The following TPH2 variants were observed in gnomAD, a reference collection of about 807,000 sequenced individuals.
TPH2 encodes the protein tryptophan 5-hydroxylase 2.
Under a neutral mutation model 59.1 loss-of-function variants are expected in TPH2, and 27 were observed. The ratio of observed to expected loss-of-function variants is 0.46; its 90% CI spans 0.34 to 0.63. The LOEUF (loss-of-function observed/expected upper bound fraction) is 0.63. TPH2 is among the 30% of genes least tolerant of loss of function. The probability of loss-of-function intolerance (pLI) is 0.01; values close to 1 mark genes in which losing one functional copy is unlikely to be tolerated. For missense variants in TPH2, 523 were observed against 588.3 expected (o/e 0.89, Z 1.15); for synonymous variants, 220 against 210.5 (o/e 1.05, Z -0.39).
chr12:71,993,831 A>G (rs192971348), intron 7 of TPH2, among the ~76,000 whole-genome samples: 1 of 152,282 alleles, frequency 6.6e-6, no homozygotes, highest in East Asian at 1.9e-4. Flanking sequence ...AAACATGACA[A>G]ATTGGATTCC....
Position 72,031,973 on chromosome 12 carries a change from A to G in TPH2, c.*278A>G, listed in dbSNP as rs1343004635. 4 of 439,966 alleles carry G rather than the reference A, an allele frequency of 9.1e-6. No individual in the cohort carries two copies. The highest frequency in any genetic ancestry group is 1.7e-5 in the Non-Finnish European group (4 of 238,134). 27.3% of individuals were successfully genotyped at this position (439,966 alleles called of 1,614,324 possible). On this transcript the variant is annotated 3_prime_UTR_variant, in exon 11 of 11. Coordinates refer to ENST00000333850, the MANE Select transcript of TPH2 (RefSeq NM_173353.4). Reference sequence around the variant, plus strand: ...TAGTGTCCTTAACCAAACTGCATCTAGTTAAAATTTGTAACAAATAGCCCT... The same window carrying G: ...TAGTGTCCTTAACCAAACTGCATCTGGTTAAAATTTGTAACAAATAGCCCT...
At chr12:72,026,255 T>C (rs1268787019) in intron 9 of TPH2, among the ~76,000 whole-genome samples, 6 of 152,104 alleles carry the variant, frequency 3.9e-5, no homozygotes, top group Non-Finnish European at 8.8e-5. Flanking sequence ...ATATTACATA[T>C]AAACACATCT....
rs552328431 is a variant in TPH2 at position 71,995,318 on chromosome 12, G to T, written c.1068+753G>T. On this transcript the variant is annotated intron_variant, in intron 8 of 10. Coordinates refer to ENST00000333850, the MANE Select transcript of TPH2 (RefSeq NM_173353.4). ...AGCTCCATTTCTAAGGGCCCAGGAA[G>T]AGAAAAAGCAGTTTTAGCCAACCCA... Among the ~76,000 whole-genome samples the T allele has an allele frequency of 2.0e-5, 3 of 152,226 alleles. No homozygotes were observed. The East Asian group carries it at 5.8e-4, about 29-fold the overall frequency.
intron 7 of TPH2, among the ~76,000 whole-genome samples, chr12:71,993,027 A>C (rs1358721384): frequency 6.6e-6 from 1 of 152,252 alleles, no homozygotes; most frequent in Non-Finnish European, 1.5e-5. Flanking sequence ...TTATTGACAC[A>C]GTTGACAAGG....
chr12:71,960,662 G>C lies in TPH2; in HGVS notation c.608+11007G>C, dbSNP rs748710033. On this transcript the variant is annotated intron_variant, in intron 5 of 10. Coordinates refer to ENST00000333850, the MANE Select transcript of TPH2 (RefSeq NM_173353.4). ...CTCAGTAGGATGTTGTCTGATTATA[G>C]CATGGCTCCCACAGCTGTGGAAAAC... 4.3e-4 allele frequency among the ~76,000 whole-genome samples: 65 copies of C among 152,284 alleles called. 1 individual carries two copies. The highest frequency in any genetic ancestry group is 3.4e-3 in the Middle Eastern group (1 of 294).
At chr12:71,988,465 A>G (rs1186156070) in intron 7 of TPH2, among the ~76,000 whole-genome samples, 9 of 152,154 alleles carry the variant, frequency 5.9e-5, no homozygotes, top group Admixed American at 4.6e-4. Flanking sequence ...GAAGACAAAA[A>G]GAGAACACTT....
chr12:71,961,269 G>A (rs1871673928), intron 5 of TPH2, among the ~76,000 whole-genome samples: 1 of 152,198 alleles, frequency 6.6e-6, no homozygotes, highest in Non-Finnish European at 1.5e-5. Context: ...GTGAGGACAT[G>A]AATAGTCATT....
chr12:72,007,084 T>G (rs1872973468), intron 8 of TPH2, among the ~76,000 whole-genome samples: 1 of 152,172 alleles, frequency 6.6e-6, no homozygotes, highest in Non-Finnish European at 1.5e-5. Flanking sequence ...CCTTCTGAAG[T>G]GCAGACTATG....
chr12:71,947,570 G>T (rs1458680440), intron 4 of TPH2, among the ~76,000 whole-genome samples: 2 of 151,784 alleles, frequency 1.3e-5, no homozygotes, highest in African/African-American at 4.8e-5. Context: ...ATACTAAAAA[G>T]ATTATTTGTT....
intron 7 of TPH2, among the ~76,000 whole-genome samples, chr12:71,984,614 A>C (rs1024187175): frequency 6.6e-6 from 1 of 152,122 alleles, no homozygotes; most frequent in Non-Finnish European, 1.5e-5. Context: ...CATGCCCACG[A>C]GCTGTGTTTA....
intron 2 of TPH2, among the ~76,000 whole-genome samples, chr12:71,943,837 T>A (rs1871134658): frequency 2.0e-5 from 3 of 152,086 alleles, no homozygotes; most frequent in Admixed American, 2.0e-4. Context: ...TATAAAAGCT[T>A]ATTTCTGAAA....
chr12:71,997,682 CT>C (rs1234883490), intron 8 of TPH2, among the ~76,000 whole-genome samples: 2 of 151,956 alleles, frequency 1.3e-5, no homozygotes, highest in South Asian at 4.2e-4. Context: ...AATGTACCTG[CT>C]TTTTTGCAAA....
intron 5 of TPH2, among the ~76,000 whole-genome samples, chr12:71,960,250 A>T (rs149777160): frequency 4.3e-4 from 66 of 152,350 alleles, no homozygotes; most frequent in African/African-American, 1.1e-3. Context: ...TAGAATTCAA[A>T]TATCTTTCTC....
rs192131856 is a variant in TPH2 at position 71,976,373 on chromosome 12, G to A, written c.806-2579G>A. Among the ~76,000 whole-genome samples, 460 of 152,136 alleles carry A rather than the reference G, an allele frequency of 3.0e-3. 4 individuals carry two copies. The highest frequency in any genetic ancestry group is 0.011 in the African/African-American group (449 of 41,506). ...ATGTAGATAGTATGATGTAAGTATA[G>A]GTGTCCTTATATCATTTCATTGACT... On this transcript the variant is annotated intron_variant, in intron 6 of 10. Coordinates refer to ENST00000333850, the MANE Select transcript of TPH2 (RefSeq NM_173353.4).
Position 71,983,767 on chromosome 12 carries a change from GAC to G in TPH2, c.941+4688_941+4689del, listed in dbSNP as rs750606372. Among the ~76,000 whole-genome samples the G allele has an allele frequency of 9.5e-5, 14 of 147,012 alleles. No homozygotes were observed. The South Asian group carries it at 1.1e-3, about 12-fold the overall frequency. On this transcript the variant is annotated intron_variant, in intron 7 of 10. Coordinates refer to ENST00000333850, the MANE Select transcript of TPH2 (RefSeq NM_173353.4). Reference sequence around the variant, plus strand: ...AGAGAGAGAGAGAGACAGACAGACAGACACACACAGAGAGAGAGAGACAGAGA... The same window carrying G: ...AGAGAGAGAGAGAGACAGACAGACAGACACACAGAGAGAGAGAGACAGAGA...
intron 5 of TPH2, 52 bp downstream of exon 5, chr12:71,949,707 T>TA: frequency 6.7e-7 from 1 of 1,483,726 alleles, no homozygotes; most frequent in Non-Finnish European, 9.4e-7. Context: ...GAAAAACACA[T>TA]GCTGTGTTAA....
At position 71,979,091 on chromosome 12, in the gene TPH2, A is replaced by AGTAG; in HGVS notation, c.941+7_941+8insGGTA. On this transcript the variant is annotated splice_donor_region_variant and intron_variant, in intron 7 of 10. Transcript: ENST00000333850. ...ATCCCCTCTACACCCCAGAACCGTG[A>AGTAG]GTACCTACATTAAAGCCCAGGCCAC... The AGTAG allele has an allele frequency of 6.2e-7, 1 of 1,614,122 alleles. No homozygotes were observed. Among genetic ancestry groups the AGTAG allele is most frequent in the Non-Finnish European group, 8.5e-7 (1 of 1,179,986 alleles).
At chr12:71,948,107 G>C (rs1871245436) in intron 4 of TPH2, among the ~76,000 whole-genome samples, 2 of 152,048 alleles carry the variant, frequency 1.3e-5, no homozygotes, top group Non-Finnish European at 2.9e-5. Flanking sequence ...CTCTCCAGCA[G>C]GAGACCTTTT....
rs555483811 is a variant in TPH2 at position 72,002,802 on chromosome 12, C to T, written c.1068+8237C>T. ...AAGAAGTGTCAGGAAATTAATAATA[C>T]AGGGTTCTGTTTGTACTTTCCTTGA... On this transcript the variant is annotated intron_variant, in intron 8 of 10. Coordinates refer to ENST00000333850, the MANE Select transcript of TPH2 (RefSeq NM_173353.4). Among the ~76,000 whole-genome samples the T allele has an allele frequency of 1.0e-4, 15 of 149,384 alleles. No homozygotes were observed. In the East Asian group the frequency reaches 2.7e-3, roughly 27 times the overall value.
Sources: gnomAD v4.1 joint callset for allele counts (sites outside exome capture counted in the v4.1 genomes callset) on GRCh38, gnomAD v4.1.1 for gene constraint, MANE v1.5 for transcripts, NCBI Gene and HGNC (gene_info 2026-07-23, HGNC 2026-07-21) for gene names.